PPARGC1A: variants seen among roughly 807,000 people sequenced by gnomAD.
PPARGC1A encodes the protein PPARG coactivator 1 alpha, also known as peroxisome proliferator-activated receptor gamma coactivator 1-alpha.
In PPARGC1A, 25 loss-of-function variants were observed where a neutral mutation model predicts 88.7. The observed-to-expected ratio is 0.28, with a 90% CI of 0.21 to 0.39. The LOEUF is 0.39. Ranked by LOEUF, PPARGC1A falls within the 10% of genes least tolerant of loss-of-function variation. The pLI, the probability that PPARGC1A is intolerant of heterozygous loss-of-function variation, is 1.00. For synonymous variants in PPARGC1A, 363 were observed against 355.6 expected, an observed-to-expected ratio of 1.02 and a Z score of -0.24; for missense variants, 880 against 968.7, an observed-to-expected ratio of 0.91 and a Z score of 1.22.
the PPARGC1A span, among the ~76,000 whole-genome samples, chr4:24,121,238 A>G: frequency 6.6e-6 from 1 of 152,188 alleles, no homozygotes; most frequent in South Asian, 2.1e-4. Flanking sequence ...TTTGGCCAGG[A>G]AAACGCTATG....
At chr4:24,446,588 T>G in the PPARGC1A span, among the ~76,000 whole-genome samples, 2 of 149,986 alleles carry the variant, frequency 1.3e-5, no homozygotes, top group South Asian at 2.1e-4. Context: ...TGGAAAACAC[T>G]GAATTTTTTT....
chr4:23,942,273 A>T, the PPARGC1A span, among the ~76,000 whole-genome samples: 1 of 152,210 alleles, frequency 6.6e-6, no homozygotes, highest in Non-Finnish European at 1.5e-5. Context: ...TGAGTCATTG[A>T]ATTCACTGAA....
chr4:24,090,900 A>C, the PPARGC1A span, among the ~76,000 whole-genome samples: 1 of 152,220 alleles, frequency 6.6e-6, no homozygotes. Context: ...ACTGCTTTGC[A>C]CATTTTAATG....
At chr4:23,796,118 G>T (rs372497009) in intron 12 of PPARGC1A, among the ~76,000 whole-genome samples, 193 bp from the exon 13 acceptor site, 4 of 151,954 alleles carry the variant, frequency 2.6e-5, no homozygotes, top group East Asian at 3.9e-4. Context: ...TCAAAAACAC[G>T]CACCTGTTGA....
At chr4:24,032,947 C>T in the PPARGC1A span, among the ~76,000 whole-genome samples, 2 of 152,170 alleles carry the variant, frequency 1.3e-5, no homozygotes, top group African/African-American at 2.4e-5. Context: ...AAAAACCTTA[C>T]ACAAGATATA....
At chr4:23,921,908 C>T in the PPARGC1A span, among the ~76,000 whole-genome samples, 3 of 152,288 alleles carry the variant, frequency 2.0e-5, no homozygotes, top group Middle Eastern at 3.4e-3. Flanking sequence ...TCGGAGAGCA[C>T]GTTCTACATG....
the PPARGC1A span, among the ~76,000 whole-genome samples, chr4:24,317,555 TAAAAAAAAAAAAAAAAAAAAAAAAAAAA>T: frequency 1.8e-3 from 39 of 22,222 alleles, 1 homozygote; most frequent in South Asian, 0.014. Context: ...TTCAGAGGAC[TAAAAAAAAAAAAAAAAAAAAAAAAAAAA>T]AAAAAAAAAA....
the PPARGC1A span, among the ~76,000 whole-genome samples, chr4:23,944,732 T>C: frequency 6.6e-6 from 1 of 152,190 alleles, no homozygotes; most frequent in African/African-American, 2.4e-5. Flanking sequence ...CTGATGGTTT[T>C]AGAAGGAGCT....
the PPARGC1A span, among the ~76,000 whole-genome samples, chr4:23,919,610 T>G: frequency 6.6e-6 from 1 of 151,668 alleles, no homozygotes; most frequent in African/African-American, 2.4e-5. Context: ...TTTTGCTTAC[T>G]CTCTCTTCTA....
chr4:24,429,733 T>C, the PPARGC1A span, among the ~76,000 whole-genome samples: 2 of 149,316 alleles, frequency 1.3e-5, no homozygotes, highest in Admixed American at 1.3e-4. Context: ...CTCACTGTAA[T>C]CTCTGCATCC....
At chr4:24,274,445 C>T in the PPARGC1A span, among the ~76,000 whole-genome samples, 1 of 152,200 alleles carries the variant, frequency 6.6e-6, no homozygotes, top group African/African-American at 2.4e-5. Context: ...AGCTGGTCTC[C>T]TTCGTCGCTA....
chr4:24,369,401 G>A, the PPARGC1A span, among the ~76,000 whole-genome samples: 1 of 152,094 alleles, frequency 6.6e-6, no homozygotes, highest in Non-Finnish European at 1.5e-5. Flanking sequence ...TGGCATCCGA[G>A]ACATGGAAGT....
chr4:24,467,642 C>T, the PPARGC1A span, among the ~76,000 whole-genome samples: 1 of 150,358 alleles, frequency 6.7e-6, no homozygotes, highest in African/African-American at 2.5e-5. Context: ...TATCCATATT[C>T]ATGGAGGTAA....
the PPARGC1A span, among the ~76,000 whole-genome samples, chr4:24,296,226 T>C: frequency 6.6e-6 from 1 of 150,732 alleles, no homozygotes; most frequent in Non-Finnish European, 1.5e-5. Flanking sequence ...TATTTATATA[T>C]ATATAGGGTA....
chr4:24,205,940 C>T, the PPARGC1A span, among the ~76,000 whole-genome samples: 4 of 152,140 alleles, frequency 2.6e-5, no homozygotes, highest in South Asian at 8.3e-4. Context: ...TTGGAGGAAG[C>T]AAACTTTGAA....
the PPARGC1A span, among the ~76,000 whole-genome samples, chr4:24,326,909 G>A: frequency 6.6e-6 from 1 of 152,098 alleles, no homozygotes; most frequent in African/African-American, 2.4e-5. Context: ...GTCTGAGAAG[G>A]CCACCGCAGT....
At chr4:24,215,834 T>C in the PPARGC1A span, among the ~76,000 whole-genome samples, 3 of 152,332 alleles carry the variant, frequency 2.0e-5, no homozygotes, top group South Asian at 6.2e-4. Flanking sequence ...TGTCATACCT[T>C]GGGATACGGC....
the PPARGC1A span, among the ~76,000 whole-genome samples, chr4:24,006,974 A>G: frequency 2.6e-5 from 4 of 152,206 alleles, no homozygotes; most frequent in Non-Finnish European, 4.4e-5. Context: ...CAATTGTAAA[A>G]TGGACATCTT....
chr4:23,989,587 C>A, the PPARGC1A span, among the ~76,000 whole-genome samples: 5 of 151,962 alleles, frequency 3.3e-5, no homozygotes, highest in African/African-American at 1.2e-4. Context: ...TTGCTAAGAA[C>A]ACAAGCTCCA....
Sources: allele counts gnomAD v4.1 joint callset (sites outside exome capture counted in the v4.1 genomes callset), GRCh38; gene constraint gnomAD v4.1.1; transcripts MANE v1.5; gene names NCBI Gene and HGNC (gene_info 2026-07-23, HGNC 2026-07-21).